AGBL4: variants seen among roughly 807,000 people sequenced by gnomAD.
AGBL4 encodes AGBL carboxypeptidase 4.
Under a neutral mutation model 66.4 loss-of-function variants are expected in AGBL4, and 58 were observed. The observed-to-expected ratio is 0.87, with a 90% CI of 0.71 to 1.09. The LOEUF (loss-of-function observed/expected upper bound fraction) is 1.09. Among genes scored for constraint, AGBL4 ranks in the 50% least tolerant of loss-of-function variants. The probability of loss-of-function intolerance (pLI) is 0.00; values close to 1 mark genes in which losing one functional copy is unlikely to be tolerated. For missense variants in AGBL4, 579 were observed against 631.0 expected (o/e 0.92, Z 0.88); for synonymous variants, 234 against 222.9 (o/e 1.05, Z -0.44).
At chr1:49,493,622 C>T (rs558425939) in intron 3 of AGBL4, among the ~76,000 whole-genome samples, 2 of 151,976 alleles carry the variant, frequency 1.3e-5, no homozygotes, top group South Asian at 2.1e-4. Flanking sequence ...GCCAGGGTAA[C>T]AGGAACCCAA....
chr1:48,878,898 C>T (rs1030135698), intron 5 of AGBL4, among the ~76,000 whole-genome samples: 2 of 152,068 alleles, frequency 1.3e-5, no homozygotes, highest in African/African-American at 4.8e-5. Context: ...AGTAAAAGTG[C>T]CAGGCCATAA....
chr1:49,744,517 C>G (rs754297967), intron 2 of AGBL4, among the ~76,000 whole-genome samples: 12 of 151,470 alleles, frequency 7.9e-5, no homozygotes, highest in Admixed American at 6.6e-5. Flanking sequence ...AATACACTAG[C>G]AAATCAAACC....
At chr1:49,341,556 T>A (rs1368382492) in intron 3 of AGBL4, among the ~76,000 whole-genome samples, 1 of 152,142 alleles carries the variant, frequency 6.6e-6, no homozygotes, top group Non-Finnish European at 1.5e-5. Context: ...GAGGCCCACC[T>A]CAGTAAGGCC....
At chr1:49,841,966 G>A in intron 2 of AGBL4, 1 of 527,826 alleles carries the variant, frequency 1.9e-6, no homozygotes, top group Non-Finnish European at 3.5e-6. Context: ...CTCGTACCTG[G>A]CCTCGTCCTT....
chr1:49,280,367 G>A (rs1644250800), intron 3 of AGBL4, among the ~76,000 whole-genome samples: 1 of 152,120 alleles, frequency 6.6e-6, no homozygotes, highest in African/African-American at 2.4e-5. Context: ...GCAATGCCAT[G>A]GTCTCTGTGA....
intron 3 of AGBL4, among the ~76,000 whole-genome samples, chr1:49,680,443 T>A (rs148466968): frequency 6.6e-6 from 1 of 151,998 alleles, no homozygotes; most frequent in East Asian, 1.9e-4. Flanking sequence ...CCTTCATTCA[T>A]CTGAGAGTGC....
intron 3 of AGBL4, among the ~76,000 whole-genome samples, chr1:49,525,452 A>C (rs1371040609): frequency 2.0e-5 from 3 of 151,980 alleles, no homozygotes; most frequent in African/African-American, 7.2e-5. Flanking sequence ...AAAATCCTTA[A>C]AGGCAGTAAT....
chr1:49,324,822 C>CTA (rs375702012), intron 3 of AGBL4, among the ~76,000 whole-genome samples: 13 of 152,132 alleles, frequency 8.5e-5, no homozygotes, highest in Middle Eastern at 3.4e-3. Context: ...GCCTTAGTAT[C>CTA]TATATATATA....
chr1:49,588,642 C>T (rs765480360), intron 3 of AGBL4, among the ~76,000 whole-genome samples: 5 of 152,180 alleles, frequency 3.3e-5, no homozygotes, highest in Non-Finnish European at 7.3e-5. Context: ...CATCCTGGTT[C>T]GTTCTCTTAT....
chr1:49,873,059 T>G (rs1390894748), intron 1 of AGBL4, among the ~76,000 whole-genome samples: 1 of 151,972 alleles, frequency 6.6e-6, no homozygotes, highest in Non-Finnish European at 1.5e-5. Context: ...AAGCTATATT[T>G]CAGAAGAAAA....
intron 3 of AGBL4, among the ~76,000 whole-genome samples, chr1:49,315,999 G>C (rs778331093): frequency 7.9e-5 from 12 of 151,988 alleles, no homozygotes; most frequent in Non-Finnish European, 1.5e-4. Flanking sequence ...CTAAGTGAAA[G>C]AGACAATCTG....
At chr1:49,516,861 C>T (rs902401761) in intron 3 of AGBL4, among the ~76,000 whole-genome samples, 4 of 151,982 alleles carry the variant, frequency 2.6e-5, no homozygotes, top group Admixed American at 6.6e-5. Flanking sequence ...GCATACATGT[C>T]AAGTAGACAG....
chr1:49,291,750 C>G (rs957968388), intron 3 of AGBL4, among the ~76,000 whole-genome samples: 1 of 152,196 alleles, frequency 6.6e-6, no homozygotes, highest in Non-Finnish European at 1.5e-5. Flanking sequence ...TCTGGAGTGG[C>G]TGCTGCCATC....
chr1:49,139,529 T>C (rs1000432566), intron 4 of AGBL4, among the ~76,000 whole-genome samples: 2 of 152,132 alleles, frequency 1.3e-5, no homozygotes, highest in Non-Finnish European at 2.9e-5. Context: ...CAAGGATCAT[T>C]TCCTTTCCAT....
At chr1:49,932,316 A>G (rs910335984) in intron 1 of AGBL4, among the ~76,000 whole-genome samples, 1 of 152,186 alleles carries the variant, frequency 6.6e-6, no homozygotes, top group Admixed American at 6.5e-5. Flanking sequence ...CAAAAAGAAA[A>G]AAAAACTTCA....
intron 2 of AGBL4, among the ~76,000 whole-genome samples, chr1:49,818,036 C>T (rs577469133): frequency 6.6e-6 from 1 of 152,112 alleles, no homozygotes; most frequent in East Asian, 1.9e-4. Flanking sequence ...TCTTTCTGTT[C>T]TTAATTTTTT....
intron 11 of AGBL4, among the ~76,000 whole-genome samples, chr1:48,580,862 C>A (rs1027285971): frequency 2.0e-5 from 3 of 152,178 alleles, no homozygotes; most frequent in African/African-American, 7.2e-5. Context: ...CAGCTACCCT[C>A]CAATCCTTTG....
chr1:49,178,987 T>C (rs1169105100), intron 4 of AGBL4, among the ~76,000 whole-genome samples: 2 of 152,200 alleles, frequency 1.3e-5, no homozygotes, highest in Non-Finnish European at 2.9e-5. Context: ...ATCTTGGATG[T>C]CAGAGCTACA....
chr1:49,495,033 A>G (rs1647413473), intron 3 of AGBL4, among the ~76,000 whole-genome samples: 1 of 152,080 alleles, frequency 6.6e-6, no homozygotes, highest in Non-Finnish European at 1.5e-5. Context: ...AGTTAAATTT[A>G]TTTACTTAAT....
Sources: gnomAD v4.1 joint callset for allele counts (sites outside exome capture counted in the v4.1 genomes callset) on GRCh38, gnomAD v4.1.1 for gene constraint, MANE v1.5 for transcripts, NCBI Gene and HGNC (gene_info 2026-07-23, HGNC 2026-07-21) for gene names.